CAPN10: variants seen among roughly 807,000 people sequenced by gnomAD.
CAPN10 encodes calpain-10.
Under a neutral mutation model 78.4 loss-of-function variants are expected in CAPN10, and 71 were observed. The ratio of observed to expected loss-of-function variants is 0.91; its 90% CI spans 0.75 to 1.10. The LOEUF is 1.10. Among genes scored for constraint, CAPN10 ranks in the 50% least tolerant of loss-of-function variants. The probability of loss-of-function intolerance (pLI) is 0.00; values close to 1 mark genes in which losing one functional copy is unlikely to be tolerated. For synonymous variants in CAPN10, 437 were observed against 407.2 expected, an observed-to-expected ratio of 1.07 and a Z score of -0.88; for missense variants, 849 against 924.6, an observed-to-expected ratio of 0.92 and a Z score of 1.06.
intron 6 of CAPN10, 55 bp downstream of exon 6, chr2:240,594,764 G>T (rs116530790): frequency 3.2e-6 from 5 of 1,563,096 alleles, no homozygotes; most frequent in East Asian, 4.5e-5. Flanking sequence ...AAGTGAGGAG[G>T]CTGGGCAGGT....
At chr2:240,596,159 A>T (rs1180559622) in intron 7 of CAPN10, 160 bp from the exon 8 acceptor site, 60 of 1,493,734 alleles carry the variant, frequency 4.0e-5, no homozygotes, top group Non-Finnish European at 5.4e-5. Context: ...ATTGGTGGGC[A>T]TCTCTAGCTG....
chr2:240,598,519 G>A (rs949408440), intron 11 of CAPN10, 122 bp downstream of exon 11: 4 of 1,454,202 alleles, frequency 2.8e-6, no homozygotes, highest in African/African-American at 2.8e-5. Context: ...GACTCTTCCT[G>A]TGAGAGCCCC....
intron 4 of CAPN10, chr2:240,592,701 C>T (rs977777326): frequency 8.6e-6 from 3 of 349,678 alleles, no homozygotes; most frequent in East Asian, 7.8e-5. Context: ...CTTTTGAGTG[C>T]GCTCTCAGTT....
At position 240,596,950 on chromosome 2, in the gene CAPN10, C is replaced by T; in HGVS notation, c.1743+8C>T. 6.2e-7 allele frequency: 1 copy of T among 1,613,422 alleles called. No individual in the cohort carries two copies. The highest frequency in any genetic ancestry group is 8.5e-7 in the Non-Finnish European group (1 of 1,180,014). On this transcript the variant is annotated splice_region_variant and intron_variant, in intron 9 of 11. Transcript: ENST00000391984. ...GGCTTCCATATCTTCCAGGCAAGCT[C>T]CTTGCCCCAGGGAGGGAGGGGGAGC...
chr2:240,591,377 T>A, intron 3 of CAPN10: 1 of 254,304 alleles, frequency 3.9e-6, no homozygotes, highest in Non-Finnish European at 7.6e-6. Flanking sequence ...TGGGGAGGAA[T>A]GAGGCTACCC....
At chr2:240,591,858 T>C (rs556398078) in intron 3 of CAPN10, 75 bp from the exon 4 acceptor site, 1 of 1,373,094 alleles carries the variant, frequency 7.3e-7, no homozygotes, top group South Asian at 1.3e-5. Flanking sequence ...TTTGGGGTGC[T>C]ACAGACCATG....
At chr2:240,589,811 A>C (rs1349355707) in intron 2 of CAPN10, 1 of 249,668 alleles carries the variant, frequency 4.0e-6, no homozygotes. Context: ...GCTGGCTGGC[A>C]GCCTCTGCCT....
intron 3 of CAPN10, 53 bp downstream of exon 3, chr2:240,591,064 C>T: frequency 6.5e-7 from 1 of 1,541,732 alleles, no homozygotes; most frequent in Admixed American, 1.7e-5. Flanking sequence ...GGAGCTGCCA[C>T]TACCATGGGC....
chr2:240,595,829 G>A (rs945289311), intron 7 of CAPN10: 2 of 742,812 alleles, frequency 2.7e-6, no homozygotes, highest in East Asian at 6.3e-5. Context: ...GTTGTTTCCA[G>A]GAAGAACAGA....
At chr2:240,597,859 C>T in intron 9 of CAPN10, 29 bp from the exon 10 acceptor site, 1 of 1,556,102 alleles carries the variant, frequency 6.4e-7, no homozygotes, top group Non-Finnish European at 8.7e-7. Flanking sequence ...AAGGCTGGCC[C>T]CCTCAGTCTG....
At chr2:240,598,202 C>T (rs79234477) in intron 10 of CAPN10, 115 bp downstream of exon 10, 1 of 1,132,882 alleles carries the variant, frequency 8.8e-7, no homozygotes, top group Non-Finnish European at 1.2e-6. Flanking sequence ...CCTATCTGTC[C>T]TGGCAGACCA....
intron 4 of CAPN10, 31 bp from the exon 5 acceptor site, chr2:240,593,875 C>G: frequency 1.3e-6 from 2 of 1,560,478 alleles, no homozygotes; most frequent in Non-Finnish European, 8.7e-7. Flanking sequence ...TGGTGCCCTT[C>G]CTGCCTGTGC....
Position 240,597,969 on chromosome 2 carries a change from G to C in CAPN10, c.1825G>C (p.Ala609Pro). 6.2e-7 allele frequency: 1 copy of C among 1,612,990 alleles called. No homozygotes were observed. Among genetic ancestry groups the C allele is most frequent in the Non-Finnish European group, 8.5e-7 (1 of 1,179,936 alleles). The change falls in exon 10 of 12, where the codon GCC becomes CCC. Residue 609 changes from alanine (A) to proline (P), a missense_variant. Physicochemically the swap from Ala to Pro is conservative, Grantham distance 27. Transcript: ENST00000391984. ...PLLSCVPHRY[A>P]QEVSRLCLLP... ...GCTGAGCTGCGTGCCACATCGCTACGCCCAGGAGGTGAGCCGGCTCTGCCT... is the reference window on the plus strand; with the variant it reads ...GCTGAGCTGCGTGCCACATCGCTACCCCCAGGAGGTGAGCCGGCTCTGCCT...
At position 240,598,744 on chromosome 2, in the gene CAPN10, C is replaced by CTGGGCCGGCCAGCCTTGCACTG. The variant is rs2093153666; in HGVS notation, c.*69_*90dup. 2 of 1,466,182 alleles carry CTGGGCCGGCCAGCCTTGCACTG rather than the reference C, an allele frequency of 1.4e-6. No individual in the cohort carries two copies. Among genetic ancestry groups the CTGGGCCGGCCAGCCTTGCACTG allele is most frequent in the African/African-American group, 1.4e-5 (1 of 71,690 alleles). 90.8% of individuals were successfully genotyped at this position (1,466,182 alleles called of 1,614,324 possible). ...CGAGGGCCTGACAGGTTCCCAGCAG[C>CTGGGCCGGCCAGCCTTGCACTG]TGGGCCGGCCAGCCTTGCACTGTGG... On this transcript the variant is annotated 3_prime_UTR_variant, in exon 12 of 12. Coordinates refer to ENST00000391984, the MANE Select transcript of CAPN10 (RefSeq NM_023083.4).
In CAPN10 at chr2:240,594,049, T is replaced by G. The variant is rs1447032128; in HGVS notation, c.830+2T>G. Reference sequence around the variant, plus strand: ...CTGGCAGGGGCTCTGGAGAGAGGGGTGAGTGCTGGGGCCTGGACCATGCTG... The same window carrying G: ...CTGGCAGGGGCTCTGGAGAGAGGGGGGAGTGCTGGGGCCTGGACCATGCTG... On this transcript the variant is annotated splice_donor_variant, in intron 5 of 11. Transcript: ENST00000391984. LOFTEE classifies it high-confidence loss of function. The G allele has an allele frequency of 1.3e-6, 2 of 1,594,844 alleles. No individual in the cohort carries two copies. The highest frequency in any genetic ancestry group is 1.3e-5 in the African/African-American group (1 of 74,558).
chr2:240,589,732 G>A (rs936074337), intron 2 of CAPN10: 5 of 450,818 alleles, frequency 1.1e-5, no homozygotes, highest in Admixed American at 7.9e-5. Context: ...CCTGACCCCC[G>A]GACTCCATGG....
chr2:240,592,373 A>G (rs760091261), intron 4 of CAPN10: 3 of 692,274 alleles, frequency 4.3e-6, no homozygotes, highest in Non-Finnish European at 8.1e-6. Context: ...AGTCCTTTCC[A>G]CTAGTGCGAG....
intron 1 of CAPN10, among the ~76,000 whole-genome samples, chr2:240,587,667 A>C (rs945245768): frequency 1.3e-5 from 2 of 152,262 alleles, no homozygotes; most frequent in African/African-American, 4.8e-5. Flanking sequence ...GTCTTCGAAC[A>C]GAGCTGGAAC....
intron 2 of CAPN10, 146 bp from the exon 3 acceptor site, chr2:240,590,669 C>T (rs1019951042): frequency 9.5e-6 from 6 of 630,026 alleles, no homozygotes; most frequent in Admixed American, 2.9e-5. Context: ...GAGTTCTCTG[C>T]GACATCCAGG....
Sources: allele counts gnomAD v4.1 joint callset (sites outside exome capture counted in the v4.1 genomes callset), GRCh38; gene constraint gnomAD v4.1.1; transcripts MANE v1.5; gene names NCBI Gene and HGNC (gene_info 2026-07-23, HGNC 2026-07-21).